LPP: variants seen among roughly 807,000 people sequenced by gnomAD.
LPP encodes the protein lipoma-preferred partner.
Under a neutral mutation model 60.4 loss-of-function variants are expected in LPP, and 38 were observed. The ratio of observed to expected loss-of-function variants is 0.63; its 90% CI spans 0.49 to 0.83. The LOEUF is 0.83. Among genes scored for constraint, LPP ranks in the 40% least tolerant of loss-of-function variants. The pLI, the probability that LPP is intolerant of heterozygous loss-of-function variation, is 0.00. For missense variants in LPP, 902 were observed against 783.6 expected (o/e 1.15, Z -1.80); for synonymous variants, 328 against 290.8 (o/e 1.13, Z -1.30).
chr3:188,247,392 T>C (rs570836599), intron 2 of LPP, among the ~76,000 whole-genome samples: 2 of 152,276 alleles, frequency 1.3e-5, no homozygotes, highest in East Asian at 3.9e-4. Context: ...TCAAAACTAA[T>C]ACTTGTGTAT....
intron 7 of LPP, among the ~76,000 whole-genome samples, chr3:188,657,261 T>TATATATATATATATATATATATATATA (rs1251716839): frequency 1.8e-4 from 23 of 126,354 alleles, no homozygotes; most frequent in African/African-American, 7.9e-4. Flanking sequence ...TCAAGGTGTA[T>TATATATATATATATATATATATATATA]ATATATATAT....
intron 2 of LPP, among the ~76,000 whole-genome samples, chr3:188,282,960 T>C (rs1468050091): frequency 6.6e-6 from 1 of 152,158 alleles, no homozygotes; most frequent in African/African-American, 2.4e-5. Context: ...ACTCTGTAAC[T>C]GTTAAATTGA....
intron 6 of LPP, among the ~76,000 whole-genome samples, chr3:188,600,869 A>C (rs1161326641): frequency 6.6e-6 from 1 of 151,892 alleles, no homozygotes; most frequent in Non-Finnish European, 1.5e-5. Flanking sequence ...TAATCTCTTC[A>C]AGCTTCATCT....
rs913398218 is a variant in LPP at position 188,492,349 on chromosome 3, GT to G, written c.306+7653del. On this transcript the variant is annotated intron_variant, in intron 5 of 11. Transcript: ENST00000617246. ...TCTTCAAAGGTGAAATGTACTTATTGTTTTTTTTATTTTAACTTACAAAAAA... is the reference window on the plus strand; with the variant it reads ...TCTTCAAAGGTGAAATGTACTTATTGTTTTTTTATTTTAACTTACAAAAAA... Among the ~76,000 whole-genome samples, 10 of 151,842 alleles carry G rather than the reference GT, an allele frequency of 6.6e-5. No individual in the cohort carries two copies. The East Asian group carries it at 9.6e-4, about 15-fold the overall frequency.
chr3:188,358,774 A>G lies in LPP; in HGVS notation c.-10+17055A>G, dbSNP rs151052757. Among the ~76,000 whole-genome samples the G allele has an allele frequency of 2.2e-3, 340 of 152,288 alleles. 2 individuals carry two copies. Among genetic ancestry groups the G allele is most frequent in the African/African-American group, 7.9e-3 (328 of 41,558 alleles). On this transcript the variant is annotated intron_variant, in intron 3 of 11. Transcript: ENST00000617246. ...GAAGATGCAAGCGTTCCAAAAGCAT[A>G]TTCGCAATCTCTCTGGAGGTCAATC... is the stretch of plus-strand genomic sequence containing the variant.
intron 1 of LPP, among the ~76,000 whole-genome samples, chr3:188,215,793 T>C (rs1255546889): frequency 6.6e-6 from 1 of 152,218 alleles, no homozygotes; most frequent in African/African-American, 2.4e-5. Flanking sequence ...TACCTAAGAA[T>C]GGCATGTGAT....
intron 7 of LPP, among the ~76,000 whole-genome samples, chr3:188,639,457 C>T (rs1027958899): frequency 2.7e-5 from 4 of 147,536 alleles, no homozygotes; most frequent in Non-Finnish European, 4.6e-5. Context: ...TAGGCACGGG[C>T]AAGGACTTCA....
At position 188,368,901 on chromosome 3, in the gene LPP, A is replaced by G. The variant is rs182031120; in HGVS notation, c.-10+27182A>G. On this transcript the variant is annotated intron_variant, in intron 3 of 11. Transcript: ENST00000617246. ...GAAAACTGGTTTACCTGAAAGGAAG[A>G]GGTGTGTGTGAAAGAGAGGGTCACC... Among the ~76,000 whole-genome samples, 188 of 152,292 alleles carry G rather than the reference A, an allele frequency of 1.2e-3. 2 individuals are homozygous for G. The South Asian group carries it at 0.022, about 17-fold the overall frequency.
intron 6 of LPP, among the ~76,000 whole-genome samples, chr3:188,599,460 A>G (rs1021972014): frequency 6.6e-6 from 1 of 152,104 alleles, no homozygotes; most frequent in African/African-American, 2.4e-5. Flanking sequence ...CTACCTTGAC[A>G]TACCAACATT....
chr3:188,374,618 G>C (rs1333646420), intron 3 of LPP, among the ~76,000 whole-genome samples: 5 of 152,134 alleles, frequency 3.3e-5, no homozygotes, highest in Admixed American at 3.3e-4. Flanking sequence ...TGAGATGATG[G>C]GGTTTTCTAG....
At chr3:188,261,505 T>A (rs370423989) in intron 2 of LPP, among the ~76,000 whole-genome samples, 1 of 152,346 alleles carries the variant, frequency 6.6e-6, no homozygotes, top group African/African-American at 2.4e-5. Flanking sequence ...ATACAGATAT[T>A]TGTCATCTTT....
At position 188,837,421 on chromosome 3, in the gene LPP, A is replaced by AATCATC. The variant is rs1553864806; in HGVS notation, c.1411-28776_1411-28775insATCATC. 7.8e-5 allele frequency among the ~76,000 whole-genome samples: 11 copies of AATCATC among 141,720 alleles called. 1 individual carries two copies. The highest frequency in any genetic ancestry group is 2.9e-4 in the African/African-American group (11 of 38,036). The allele number at this position is 141,720 out of a possible 152,430, so 93.0% of individuals were successfully genotyped here. On this transcript the variant is annotated intron_variant, in intron 9 of 11. Coordinates refer to ENST00000617246, the MANE Select transcript of LPP (RefSeq NM_001375462.1). ...TAATAATAATAATAATAATAATAAT[A>AATCATC]ATCTGTGCTTCCTGCTTAATTTCTA...
chr3:188,687,422 G>A (rs1206549007), intron 7 of LPP, among the ~76,000 whole-genome samples: 1 of 152,132 alleles, frequency 6.6e-6, no homozygotes, highest in East Asian at 1.9e-4. Context: ...ATTGGATCGT[G>A]GGGGCCCTTC....
At chr3:188,322,623 T>C (rs1262081987) in intron 2 of LPP, among the ~76,000 whole-genome samples, 2 of 152,208 alleles carry the variant, frequency 1.3e-5, no homozygotes, top group Non-Finnish European at 2.9e-5. Context: ...GTTGATTCTC[T>C]GGTAGAAGAG....
intron 3 of LPP, among the ~76,000 whole-genome samples, chr3:188,371,616 AATATATATATATATAT>A (rs57935178): frequency 1.2e-4 from 3 of 24,376 alleles, no homozygotes; most frequent in Non-Finnish European, 9.2e-5. Context: ...GTGGTGGGAA[AATATATATATATATAT>A]ATATATATAT....
At chr3:188,439,319 A>G (rs1793185080) in intron 4 of LPP, among the ~76,000 whole-genome samples, 1 of 152,208 alleles carries the variant, frequency 6.6e-6, no homozygotes, top group South Asian at 2.1e-4. Flanking sequence ...ACCAGTCCCC[A>G]TGTACAAAAT....
At position 188,495,082 on chromosome 3, in the gene LPP, A is replaced by ATATATATTTTT. The variant is rs1342207321; in HGVS notation, c.306+10379_306+10380insATATATTTTTT. ...CAGGATTTTATATATATATATATAT[A>ATATATATTTTT]TTTTATTTATATTTTATTATATATT... On this transcript the variant is annotated intron_variant, in intron 5 of 11. Coordinates refer to ENST00000617246, the MANE Select transcript of LPP (RefSeq NM_001375462.1). Among the ~76,000 whole-genome samples the ATATATATTTTT allele has an allele frequency of 4.5e-4, 44 of 97,270 alleles. 1 individual carries two copies. Among genetic ancestry groups the ATATATATTTTT allele is most frequent in the African/African-American group, 1.8e-3 (44 of 25,064 alleles). The allele number at this position is 97,270 out of a possible 152,430, so 63.8% of individuals were successfully genotyped here. A position where few individuals can be genotyped will look rare whatever the true frequency, so the allele number is the denominator to read the frequency against.
intron 9 of LPP, among the ~76,000 whole-genome samples, chr3:188,807,080 C>T (rs2151252182): frequency 6.7e-6 from 1 of 150,036 alleles, no homozygotes; most frequent in South Asian, 2.1e-4. Flanking sequence ...GTTTTTAATT[C>T]TCCTTCATTT....
chr3:188,453,628 T>G (rs1441672775), intron 4 of LPP, among the ~76,000 whole-genome samples: 1 of 152,004 alleles, frequency 6.6e-6, no homozygotes, highest in African/African-American at 2.4e-5. Context: ...TTCCTCTGTG[T>G]CTTTGCTTGA....
Sources: allele counts gnomAD v4.1 joint callset (sites outside exome capture counted in the v4.1 genomes callset), GRCh38; gene constraint gnomAD v4.1.1; transcripts MANE v1.5; gene names NCBI Gene and HGNC (gene_info 2026-07-23, HGNC 2026-07-21).